Variants in MIER2 observed in about 807,000 individuals in gnomAD.
MIER2 encodes MIER family member 2.
A neutral mutation model predicts 67.6 loss-of-function variants in MIER2; 30 were observed. The ratio of observed to expected loss-of-function variants is 0.44; its 90% CI spans 0.33 to 0.60. The LOEUF (loss-of-function observed/expected upper bound fraction) is 0.60, where lower values mean the gene tolerates loss of function less well. Ranked by LOEUF, MIER2 falls within the 20% of genes least tolerant of loss-of-function variation. The pLI is 0.02. For synonymous variants in MIER2, 372 were observed against 312.6 expected, an observed-to-expected ratio of 1.19 and a Z score of -2.00; for missense variants, 702 against 745.1, an observed-to-expected ratio of 0.94 and a Z score of 0.67.
intron 7 of MIER2, among the ~76,000 whole-genome samples, chr19:320,010 G>A (rs1298590210): frequency 6.6e-6 from 1 of 152,174 alleles, no homozygotes; most frequent in African/African-American, 2.4e-5. Context: ...TGTAATCACT[G>A]CACCAGGGGA....
intron 10 of MIER2, among the ~76,000 whole-genome samples, chr19:310,163 G>A: frequency 6.6e-6 from 1 of 152,232 alleles, no homozygotes; most frequent in Non-Finnish European, 1.5e-5. Flanking sequence ...CTCCACCCGG[G>A]AGGCTCATCC....
At position 308,405 on chromosome 19, in the gene MIER2, T is replaced by C. The variant is rs896862855; in HGVS notation, c.1198+172A>G. Among the ~76,000 whole-genome samples the C allele has an allele frequency of 3.3e-5, 5 of 152,184 alleles. No individual in the cohort carries two copies. Among genetic ancestry groups the C allele is most frequent in the Admixed American group, 1.3e-4 (2 of 15,298 alleles). Reference sequence around the variant, plus strand: ...CCTGCCCTCCCCTCTCCCAGCCAGGTGTACAGAGCGGCATCCACATCACGT... The same window carrying C: ...CCTGCCCTCCCCTCTCCCAGCCAGGCGTACAGAGCGGCATCCACATCACGT... On this transcript the variant is annotated intron_variant, in intron 12 of 13. Transcript: ENST00000264819. The surrounding 1 kb of genome is among the most constrained non-coding windows in gnomAD (Gnocchi z 9.1).
chr19:335,839 G>A (rs1972226364), intron 2 of MIER2, among the ~76,000 whole-genome samples: 1 of 152,166 alleles, frequency 6.6e-6, no homozygotes, highest in Non-Finnish European at 1.5e-5. Flanking sequence ...CCTCTGCTGG[G>A]GGTGCTGGGC....
In MIER2 at chr19:328,058, T is replaced by G. The variant is rs374392917; in HGVS notation, c.244-69A>C. 22 of 1,586,086 alleles carry G rather than the reference T, an allele frequency of 1.4e-5. No homozygotes were observed. In the Admixed American group the frequency reaches 4.0e-4, roughly 29 times the overall value. ...CTGGGGGTTCCTGTCCCTGTCCTCT[T>G]GCCTGAGCCTCACTGGCCACAACCA... On this transcript the variant is annotated intron_variant, in intron 3 of 13. Coordinates refer to ENST00000264819, the MANE Select transcript of MIER2 (RefSeq NM_017550.3).
chr19:309,394 C>T (rs1421043776), intron 10 of MIER2, among the ~76,000 whole-genome samples: 1 of 152,146 alleles, frequency 6.6e-6, no homozygotes, highest in African/African-American at 2.4e-5. Context: ...GGAAGAGGCA[C>T]AAGCCCGCGG....
chr19:337,912 GC>G (rs1218556480), intron 1 of MIER2, among the ~76,000 whole-genome samples: 1 of 135,918 alleles, frequency 7.4e-6, no homozygotes, highest in Non-Finnish European at 1.5e-5. Flanking sequence ...AGTGGCTCAC[GC>G]CTGTAATCCC....
intron 7 of MIER2, among the ~76,000 whole-genome samples, chr19:321,997 C>T (rs1325705026): frequency 3.9e-5 from 6 of 152,086 alleles, no homozygotes; most frequent in Admixed American, 6.6e-5. Flanking sequence ...CTCCGCCTCC[C>T]GGGTTCACGC....
At chr19:320,532 G>A (rs554837678) in intron 7 of MIER2, among the ~76,000 whole-genome samples, 14 of 152,288 alleles carry the variant, frequency 9.2e-5, no homozygotes, top group East Asian at 3.9e-4. Context: ...ACAGCTGGCC[G>A]CACAGCAGGA....
chr19:311,787 C>T, intron 10 of MIER2, 58 bp downstream of exon 10: 1 of 1,565,082 alleles, frequency 6.4e-7, no homozygotes, highest in Non-Finnish European at 8.8e-7. Context: ...GCCTGCGGAC[C>T]CTGAGCCCCT....
chr19:334,450 T>C lies in MIER2; in HGVS notation c.193A>G (p.Arg65Gly). The C allele has an allele frequency of 6.2e-7, 1 of 1,614,172 alleles. No individual in the cohort carries two copies. Among genetic ancestry groups the C allele is most frequent in the Non-Finnish European group, 8.5e-7 (1 of 1,180,022 alleles). ...TCCTCCTTGGGCTTGTCTGGGCACC[T>C]CGAGGCCTCCTCGCACTCCCCCCTA... The part of the protein sequence containing the change: ...SVRGECEEAS[R>G]CPDKPKEELE... The change falls in exon 3 of 14, where the codon AGG becomes GGG. Residue 65 changes from arginine (R) to glycine (G), a missense_variant. Arg to Gly is a moderately radical substitution (Grantham distance 125). Transcript: ENST00000264819.
chr19:340,197 G>A (rs938513190), intron 1 of MIER2, among the ~76,000 whole-genome samples: 1 of 152,184 alleles, frequency 6.6e-6, no homozygotes, highest in Non-Finnish European at 1.5e-5. Context: ...CAGTTACAAA[G>A]TGGAGCTCAG....
At position 313,573 on chromosome 19, in the gene MIER2, C is replaced by T. The variant is rs142323755; in HGVS notation, c.726G>A (p.Leu242=). Residue 242 remains leucine, a synonymous_variant, in exon 8 of 14, where the codon CTG becomes CTA. Coordinates refer to ENST00000264819, the MANE Select transcript of MIER2 (RefSeq NM_017550.3). ...GCCAACGCCGCTTCACCGCCCTGTACAGGAACTCCTCCACCTCCCTCTCAG... is the reference window on the plus strand; with the variant it reads ...GCCAACGCCGCTTCACCGCCCTGTATAGGAACTCCTCCACCTCCCTCTCAG... ...VLPEREVEEF[L]YRAVKRRWHE... 3 of 1,613,444 alleles carry T rather than the reference C, an allele frequency of 1.9e-6. No homozygotes were observed. Among genetic ancestry groups the T allele is most frequent in the African/African-American group, 2.7e-5 (2 of 75,050 alleles).
intron 6 of MIER2, 87 bp from the exon 7 acceptor site, chr19:325,791 C>T (rs915257611): frequency 1.9e-5 from 27 of 1,431,948 alleles, no homozygotes; most frequent in South Asian, 8.1e-5. Flanking sequence ...GGCAGGCTTA[C>T]GGGGAGGGGC....
Position 336,158 on chromosome 19 carries a change from T to C in MIER2, c.25A>G (p.Arg9Gly). MAEASSLG[R>G]QSPRVVSCLE... is the part of the protein sequence containing the mutation. ...CAGGAGACCACGCGAGGACTCTGCC[T>C]CCCCAGCGAGGAGGCCTGCGAAGGA... Residue 9 changes from arginine to glycine, a missense_variant, in exon 2 of 14, where the codon AGG becomes GGG. This residue lies in a region of MIER2 where 320 missense variants were observed against 292.6 expected (regional missense o/e 1.09). Coordinates refer to ENST00000264819, the MANE Select transcript of MIER2 (RefSeq NM_017550.3). The C allele has an allele frequency of 1.2e-6, 2 of 1,612,840 alleles. No homozygotes were observed. The highest frequency in any genetic ancestry group is 1.7e-6 in the Non-Finnish European group (2 of 1,179,234).
intron 1 of MIER2, among the ~76,000 whole-genome samples, chr19:338,051 A>G (rs1341828524): frequency 1.3e-5 from 2 of 149,870 alleles, no homozygotes; most frequent in Admixed American, 1.3e-4. Context: ...GGGCACCTGT[A>G]GTCCCAGTTA....
At chr19:326,103 C>T (rs942677498) in intron 6 of MIER2, among the ~76,000 whole-genome samples, 1 of 152,230 alleles carries the variant, frequency 6.6e-6, no homozygotes, top group African/African-American at 2.4e-5. Context: ...GCTGCGGTTA[C>T]TGAGGCCGAG....
chr19:339,798 G>A (rs1972422937), intron 1 of MIER2, among the ~76,000 whole-genome samples: 1 of 152,014 alleles, frequency 6.6e-6, no homozygotes, highest in Non-Finnish European at 1.5e-5. Flanking sequence ...GATTCCTGGT[G>A]GAAAGGGGCT....
rs1972671897 is a variant in MIER2 at position 344,754 on chromosome 19, C to T, written c.9+20G>A. 1 of 1,174,498 alleles carries T rather than the reference C, an allele frequency of 8.5e-7. No homozygotes were observed. Among genetic ancestry groups the T allele is most frequent in the Non-Finnish European group, 1.1e-6 (1 of 950,422 alleles). 72.8% of individuals were successfully genotyped at this position (1,174,498 alleles called of 1,614,324 possible). On this transcript the variant is annotated intron_variant, in intron 1 of 13. Transcript: ENST00000264819. ...GACGCGCGGGGGCGGGGGGCCGGCT[C>T]CCCCGGCCCGCTCACTCACCTCCGC...
At chr19:315,496 A>G (rs1333987628) in intron 7 of MIER2, among the ~76,000 whole-genome samples, 1 of 152,270 alleles carries the variant, frequency 6.6e-6, no homozygotes, top group Non-Finnish European at 1.5e-5. Flanking sequence ...AAAACGCCGG[A>G]GAGTCTCAGC....
Sources: gnomAD v4.1 joint callset for allele counts (sites outside exome capture counted in the v4.1 genomes callset) on GRCh38, gnomAD v4.1.1 for gene constraint, gnomAD v4.1.1 regional missense constraint, Gnocchi (gnomAD v3.1) non-coding constraint, MANE v1.5 for transcripts, NCBI Gene and HGNC (gene_info 2026-07-23, HGNC 2026-07-21) for gene names.